The following CASTOR2 variants were observed in gnomAD, a reference collection of about 807,000 sequenced individuals.
CASTOR2 encodes GATS protein like 2.
CASTOR2 carries 8 observed loss-of-function variants against 31.2 expected under a neutral mutation model. The observed-to-expected ratio is 0.26, with a 90% CI of 0.15 to 0.46. The LOEUF (loss-of-function observed/expected upper bound fraction) is 0.46, where lower values mean the gene tolerates loss of function less well. Among genes scored for constraint, CASTOR2 ranks in the 20% least tolerant of loss-of-function variants. The pLI, the probability that CASTOR2 is intolerant of heterozygous loss-of-function variation, is 0.99. For synonymous variants in CASTOR2, 162 were observed against 158.7 expected, an observed-to-expected ratio of 1.02 and a Z score of -0.16; for missense variants, 216 against 382.1, an observed-to-expected ratio of 0.57 and a Z score of 3.62.
At chr7:74,981,710 A>G (rs1803948934) in intron 1 of CASTOR2, among the ~76,000 whole-genome samples, 1 of 150,378 alleles carries the variant, frequency 6.6e-6, no homozygotes, top group African/African-American at 2.5e-5. Context: ...TACAAGTATG[A>G]GCTACCATGC....
At position 75,028,417 on chromosome 7, in the gene CASTOR2, G is replaced by T. The variant is rs965302318; in HGVS notation, c.*3718G>T. 1.4e-4 allele frequency among the ~76,000 whole-genome samples: 22 copies of T among 152,012 alleles called. No individual in the cohort carries two copies. The highest frequency in any genetic ancestry group is 1.4e-3 in the Admixed American group (22 of 15,256). On this transcript the variant is annotated 3_prime_UTR_variant, in exon 9 of 9. Coordinates refer to ENST00000616305, the MANE Select transcript of CASTOR2 (RefSeq NM_001145064.3). ...ATTACAGGCATGAGCCACCGTGCCC[G>T]GCCTCATGGAATTTCTAGGGGTGAG...
intron 6 of CASTOR2, among the ~76,000 whole-genome samples, 156 bp downstream of exon 6, chr7:75,020,305 C>T (rs889019770): frequency 1.3e-5 from 2 of 151,848 alleles, no homozygotes; most frequent in African/African-American, 2.4e-5. Flanking sequence ...TGCAGTGGTG[C>T]GATCTCGGCT....
chr7:74,991,750 CG>C (rs1485538331), intron 1 of CASTOR2, among the ~76,000 whole-genome samples: 1 of 151,854 alleles, frequency 6.6e-6, no homozygotes, highest in Admixed American at 6.6e-5. Context: ...ATGAGGGTCC[CG>C]GGGGAGGATA....
chr7:74,987,298 G>A (rs1308740552), intron 1 of CASTOR2, among the ~76,000 whole-genome samples: 3 of 151,934 alleles, frequency 2.0e-5, no homozygotes, highest in Non-Finnish European at 4.4e-5. Flanking sequence ...TCAGCTACTC[G>A]GGAGGCTGAG....
rs1804806542 is a variant in CASTOR2, at chr7:75,013,838, A to C, written c.185-3760A>C. 5.3e-5 allele frequency among the ~76,000 whole-genome samples: 8 copies of C among 151,982 alleles called. No homozygotes were observed. In the South Asian group the frequency reaches 1.7e-3, roughly 32 times the overall value. ...CACCTCCCGGGTTCAAGCGATTCTC[A>C]TGCCTCAGCCTCCTGAGTTGCTGGG... On this transcript the variant is annotated intron_variant, in intron 2 of 8. Transcript: ENST00000616305.
rs1324233971 is a variant in CASTOR2 at position 74,998,925 on chromosome 7, A to G, written c.114-9069A>G. ...TCCATAATCACCCTGGAATTTGCCA[A>G]ACACCATCACCCACGCTGTCTGATT... On this transcript the variant is annotated intron_variant, in intron 1 of 8. Transcript: ENST00000616305. 9.9e-5 allele frequency among the ~76,000 whole-genome samples: 15 copies of G among 152,096 alleles called. No individual in the cohort carries two copies. The South Asian group carries it at 2.9e-3, about 29-fold the overall frequency.
intron 2 of CASTOR2, among the ~76,000 whole-genome samples, chr7:75,010,224 G>C (rs1804707246): frequency 1.3e-5 from 2 of 152,212 alleles, no homozygotes; most frequent in Admixed American, 1.3e-4. Context: ...TGATATTTTT[G>C]CTGGCCTTGT....
intron 2 of CASTOR2, 99 bp from the exon 3 acceptor site, chr7:75,017,499 C>T: frequency 1.5e-6 from 2 of 1,379,082 alleles, no homozygotes; most frequent in Non-Finnish European, 2.0e-6. Context: ...GTGGAGCTGG[C>T]CCCAGAGCAT....
chr7:75,023,074 C>T (rs1186946368), intron 7 of CASTOR2, among the ~76,000 whole-genome samples: 3 of 152,046 alleles, frequency 2.0e-5, no homozygotes, highest in Non-Finnish European at 4.4e-5. Flanking sequence ...TTTGGGAGGC[C>T]GAGGCAGGAG....
intron 1 of CASTOR2, among the ~76,000 whole-genome samples, chr7:75,003,643 T>A (rs1340597747): frequency 1.4e-4 from 21 of 151,318 alleles, no homozygotes; most frequent in Non-Finnish European, 2.7e-4. Context: ...TCAGCTACTC[T>A]GGAGGCTGAG....
At chr7:74,965,922 T>C (rs1200195501) in intron 1 of CASTOR2, among the ~76,000 whole-genome samples, 1 of 33,956 alleles carries the variant, frequency 2.9e-5, no homozygotes, top group Non-Finnish European at 5.5e-5. Context: ...TCACTTGGAT[T>C]TTCCCTATGC....
intron 1 of CASTOR2, among the ~76,000 whole-genome samples, chr7:74,989,967 C>T (rs1363725483): frequency 6.6e-6 from 1 of 152,034 alleles, no homozygotes; most frequent in Non-Finnish European, 1.5e-5. Context: ...CATCTAATTG[C>T]CCACCTGAAA....
chr7:75,024,877 C>T lies in CASTOR2; in HGVS notation c.*178C>T, dbSNP rs1455159795. On this transcript the variant is annotated 3_prime_UTR_variant, in exon 9 of 9. Coordinates refer to ENST00000616305, the MANE Select transcript of CASTOR2 (RefSeq NM_001145064.3). ...AGGGCAGGGGCCCACGCCAAGGCCT[C>T]TCCATGCCCTCCTGCCTTCCCGGAG... is the stretch of plus-strand genomic sequence containing the variant. 1 of 1,449,590 alleles carries T rather than the reference C, an allele frequency of 6.9e-7. No homozygotes were observed. The highest frequency in any genetic ancestry group is 9.4e-7 in the Non-Finnish European group (1 of 1,066,776). 89.8% of individuals were successfully genotyped at this position (1,449,590 alleles called of 1,614,324 possible).
rs975679910 is a variant in CASTOR2 at position 75,027,305 on chromosome 7, C to T, written c.*2606C>T. 3 of 152,632 alleles carry T rather than the reference C, an allele frequency of 2.0e-5. No individual in the cohort carries two copies. Among genetic ancestry groups the T allele is most frequent in the Non-Finnish European group, 2.9e-5 (2 of 68,146 alleles). 9.5% of individuals were successfully genotyped at this position (152,632 alleles called of 1,614,324 possible). ...TCATGCCTTCTGCACCCCACTTTCC[C>T]CAGGCAAGATCCCTGGGCGCCCTTA... On this transcript the variant is annotated 3_prime_UTR_variant, in exon 9 of 9. Coordinates refer to ENST00000616305, the MANE Select transcript of CASTOR2 (RefSeq NM_001145064.3).
At chr7:75,018,939 G>A in intron 4 of CASTOR2, 33 bp from the exon 5 acceptor site, 3 of 1,551,774 alleles carry the variant, frequency 1.9e-6, no homozygotes, top group African/African-American at 1.4e-5. Context: ...TTCAGTCCCA[G>A]CCTCAGTGCC....
chr7:75,001,707 C>G (rs1367220648), intron 1 of CASTOR2, among the ~76,000 whole-genome samples: 2 of 152,210 alleles, frequency 1.3e-5, no homozygotes, highest in African/African-American at 4.8e-5. Flanking sequence ...AGTGTTGATT[C>G]CATGCCCAGC....
At chr7:74,972,773 A>G (rs1362956640) in intron 1 of CASTOR2, among the ~76,000 whole-genome samples, 3 of 149,320 alleles carry the variant, frequency 2.0e-5, no homozygotes, top group Non-Finnish European at 4.5e-5. Context: ...TTCGCCTCCC[A>G]GGTTCAAGCA....
chr7:75,003,766 C>T lies in CASTOR2; in HGVS notation c.114-4228C>T, dbSNP rs1332732503. Among the ~76,000 whole-genome samples, 3 of 151,522 alleles carry T rather than the reference C, an allele frequency of 2.0e-5. No individual in the cohort carries two copies. The East Asian group carries it at 5.8e-4, about 29-fold the overall frequency. ...TCCATCTCAAAAAAAAAACAGAAAA[C>T]AACAACAACAAGGAGGTCAAGGAGA... On this transcript the variant is annotated intron_variant, in intron 1 of 8. Transcript: ENST00000616305.
chr7:75,000,432 C>G (rs1239320480), intron 1 of CASTOR2, among the ~76,000 whole-genome samples: 5 of 152,124 alleles, frequency 3.3e-5, no homozygotes, highest in Non-Finnish European at 5.9e-5. Context: ...CCACACTTTG[C>G]AAGAAACACC....
Sources: gnomAD v4.1 joint callset for allele counts (sites outside exome capture counted in the v4.1 genomes callset) on GRCh38, gnomAD v4.1.1 for gene constraint, MANE v1.5 for transcripts, NCBI Gene and HGNC (gene_info 2026-07-23, HGNC 2026-07-21) for gene names.